LANCL2: variants seen among roughly 807,000 people sequenced by gnomAD.
LANCL2 encodes the protein lanC-like protein 2.
A neutral mutation model predicts 56.9 loss-of-function variants in LANCL2; 33 were observed. The ratio of observed to expected loss-of-function variants is 0.58; its 90% CI spans 0.44 to 0.78. The LOEUF (loss-of-function observed/expected upper bound fraction) is 0.78, where lower values mean the gene tolerates loss of function less well. LANCL2 is among the 30% of genes least tolerant of loss of function. The pLI, the probability that LANCL2 is intolerant of heterozygous loss-of-function variation, is 0.00. For synonymous variants in LANCL2, 233 were observed against 228.2 expected (o/e 1.02, Z -0.19); for missense variants, 562 against 580.2 (o/e 0.97, Z 0.32).
At position 55,426,066 on chromosome 7, in the gene LANCL2, TC is replaced by T. The variant is rs543753865; in HGVS notation, c.1185+638del. The stretch of plus-strand genomic sequence containing the variant: ...TAACTGTTCCCTTCAGGAGCACTCT[TC>T]CTTCAGCTCCTTGCCATGCTGATCT... On this transcript the variant is annotated intron_variant, in intron 7 of 8. Transcript: ENST00000254770. Among the ~76,000 whole-genome samples, 8 of 152,326 alleles carry T rather than the reference TC, an allele frequency of 5.3e-5. No individual in the cohort carries two copies. In the South Asian group the frequency reaches 1.5e-3, roughly 28 times the overall value.
At chr7:55,394,714 C>G (rs1277702941) in intron 2 of LANCL2, among the ~76,000 whole-genome samples, 2 of 152,210 alleles carry the variant, frequency 1.3e-5, no homozygotes, top group East Asian at 3.9e-4. Context: ...GCCCAGGGTC[C>G]AGGCATGGCT....
At position 55,365,815 on chromosome 7, in the gene LANCL2, C is replaced by G; in HGVS notation, c.-211C>G. On this transcript the variant is annotated 5_prime_UTR_variant, in exon 1 of 9. Coordinates refer to ENST00000254770, the MANE Select transcript of LANCL2 (RefSeq NM_018697.4). ...AGGCGCCAGGAACAGGGCAGAGGCA[C>G]AGCGCCCACCGCCTCTGCGGCCGCC... The G allele has an allele frequency of 2.3e-6, 1 of 442,990 alleles. No individual in the cohort carries two copies. Among genetic ancestry groups the G allele is most frequent in the East Asian group, 3.6e-5 (1 of 27,782 alleles). 27.4% of individuals were successfully genotyped at this position (442,990 alleles called of 1,614,324 possible).
chr7:55,404,247 C>G (rs1451041651), intron 5 of LANCL2, among the ~76,000 whole-genome samples: 1 of 152,166 alleles, frequency 6.6e-6, no homozygotes, highest in African/African-American at 2.4e-5. Context: ...GCCTCCTCCT[C>G]CTTCTTCTCC....
chr7:55,403,788 T>G (rs1314515552), intron 5 of LANCL2, among the ~76,000 whole-genome samples: 1 of 151,928 alleles, frequency 6.6e-6, no homozygotes, highest in African/African-American at 2.4e-5. Context: ...GCCAGGCTGG[T>G]CTCAAACTCC....
At chr7:55,430,051 C>T (rs990003031) in intron 8 of LANCL2, among the ~76,000 whole-genome samples, 3 of 152,266 alleles carry the variant, frequency 2.0e-5, no homozygotes, top group African/African-American at 7.2e-5. Context: ...AGTGGATCCG[C>T]TGCCCACACA....
chr7:55,374,811 A>G (rs150514762), intron 1 of LANCL2, among the ~76,000 whole-genome samples: 9 of 152,254 alleles, frequency 5.9e-5, no homozygotes, highest in Admixed American at 5.9e-4. Flanking sequence ...ACTTTATGGT[A>G]TACAGTTTGC....
At chr7:55,410,709 T>A (rs1248199718) in intron 5 of LANCL2, among the ~76,000 whole-genome samples, 2 of 152,216 alleles carry the variant, frequency 1.3e-5, no homozygotes, top group Non-Finnish European at 2.9e-5. Context: ...CATTGTGTGG[T>A]GTTAACATGT....
chr7:55,382,861 G>A (rs1277249171), intron 1 of LANCL2, among the ~76,000 whole-genome samples: 2 of 152,216 alleles, frequency 1.3e-5, no homozygotes, highest in Non-Finnish European at 2.9e-5. Flanking sequence ...TTCTAATCTT[G>A]TGGCTAATTT....
At chr7:55,381,021 G>C (rs1790062701) in intron 1 of LANCL2, among the ~76,000 whole-genome samples, 1 of 152,012 alleles carries the variant, frequency 6.6e-6, no homozygotes, top group Non-Finnish European at 1.5e-5. Context: ...ACACGCGTGT[G>C]CCACCACGCC....
In LANCL2 at chr7:55,365,928, C is replaced by G. The variant is rs1789855215; in HGVS notation, c.-98C>G. 2.1e-6 allele frequency: 2 copies of G among 971,320 alleles called. No individual in the cohort carries two copies. Among genetic ancestry groups the G allele is most frequent in the Non-Finnish European group, 2.9e-6 (2 of 695,890 alleles). The allele number at this position is 971,320 out of a possible 1,614,324, so 60.2% of individuals were successfully genotyped here. ...GCGCGGCCTCGCTCCTCCTAGAGGACGCTCTCTGCGCGGGCCCTCGGAGGA... is the reference window on the plus strand; with the variant it reads ...GCGCGGCCTCGCTCCTCCTAGAGGAGGCTCTCTGCGCGGGCCCTCGGAGGA... On this transcript the variant is annotated 5_prime_UTR_variant, in exon 1 of 9. Coordinates refer to ENST00000254770, the MANE Select transcript of LANCL2 (RefSeq NM_018697.4).
intron 2 of LANCL2, among the ~76,000 whole-genome samples, chr7:55,397,469 A>G (rs965224999): frequency 4.0e-5 from 6 of 149,628 alleles, no homozygotes; most frequent in Non-Finnish European, 3.0e-5. Flanking sequence ...TCAAAAAAAA[A>G]AAAAAAAAAA....
At chr7:55,371,197 G>A (rs560249164) in intron 1 of LANCL2, among the ~76,000 whole-genome samples, 16 of 152,114 alleles carry the variant, frequency 1.1e-4, no homozygotes, top group South Asian at 2.1e-4. Flanking sequence ...CACTGCCTCC[G>A]GTAATAACTG....
At chr7:55,398,162 G>A (rs888055107) in intron 2 of LANCL2, among the ~76,000 whole-genome samples, 64 of 152,152 alleles carry the variant, frequency 4.2e-4, no homozygotes, top group African/African-American at 1.5e-3. Flanking sequence ...TGAATAAGAG[G>A]TATTAAATCA....
At chr7:55,427,872 C>T (rs754504515) in intron 7 of LANCL2, among the ~76,000 whole-genome samples, 14 of 152,156 alleles carry the variant, frequency 9.2e-5, no homozygotes, top group Non-Finnish European at 1.5e-4. Flanking sequence ...GGCTGAGGGC[C>T]GGGGGCTGGG....
intron 2 of LANCL2, among the ~76,000 whole-genome samples, chr7:55,396,368 T>C (rs1043338858): frequency 1.3e-5 from 2 of 152,158 alleles, no homozygotes; most frequent in South Asian, 2.1e-4. Context: ...TCTGGAGAAA[T>C]TGCTTCACCG....
intron 7 of LANCL2, 74 bp downstream of exon 7, chr7:55,425,504 C>T (rs1008565437): frequency 7.4e-7 from 1 of 1,347,314 alleles, no homozygotes; most frequent in East Asian, 2.3e-5. Flanking sequence ...AGAAGTACAA[C>T]TCCTGTTCCT....
rs138472706 is a variant in LANCL2, at chr7:55,417,765, G to A, written c.1008+5676G>A. 3.0e-3 allele frequency among the ~76,000 whole-genome samples: 446 copies of A among 150,466 alleles called. 8 individuals carry two copies. The highest frequency in any genetic ancestry group is 0.01 in the African/African-American group (420 of 41,130). On this transcript the variant is annotated intron_variant, in intron 6 of 8. Transcript: ENST00000254770. ...GTGATCTTGGCTCACTGCAACCTCC[G>A]CCTCCCAGGTTCAAGCAATTCTCCT... is the stretch of plus-strand genomic sequence containing the variant.
chr7:55,401,095 A>G (rs1790317194), intron 4 of LANCL2, 79 bp from the exon 5 acceptor site: 1 of 1,227,700 alleles, frequency 8.1e-7, no homozygotes. Context: ...TATGTCATAT[A>G]TATATGACAT....
intron 5 of LANCL2, among the ~76,000 whole-genome samples, chr7:55,405,432 A>G (rs899229902): frequency 6.6e-6 from 1 of 151,712 alleles, no homozygotes; most frequent in Non-Finnish European, 1.5e-5. Context: ...ACATAAAATT[A>G]TCTATCATAG....
Sources: gnomAD v4.1 joint callset for allele counts (sites outside exome capture counted in the v4.1 genomes callset) on GRCh38, gnomAD v4.1.1 for gene constraint, MANE v1.5 for transcripts, NCBI Gene and HGNC (gene_info 2026-07-23, HGNC 2026-07-21) for gene names.